The following ADK variants were observed in gnomAD, a reference collection of about 807,000 sequenced individuals.
ADK encodes the protein N6,N6-dimethyladenosine kinase.
ADK carries 24 observed loss-of-function variants against 44.7 expected under a neutral mutation model. The observed-to-expected ratio is 0.54, with a 90% CI of 0.39 to 0.76. The LOEUF is 0.76. Ranked by LOEUF, ADK falls within the 30% of genes least tolerant of loss-of-function variation. The pLI, the probability that ADK is intolerant of heterozygous loss-of-function variation, is 0.00. For synonymous variants in ADK, 128 were observed against 142.6 expected (o/e 0.90, Z 0.73); for missense variants, 321 against 425.1 (o/e 0.76, Z 2.15).
At chr10:74,297,061 A>C (rs1374018065) in intron 3 of ADK, among the ~76,000 whole-genome samples, 1 of 152,236 alleles carries the variant, frequency 6.6e-6, no homozygotes, top group Non-Finnish European at 1.5e-5. Flanking sequence ...AGCCACTAAA[A>C]GGCAATAGAC....
chr10:74,241,053 A>C (rs1845188128), intron 3 of ADK, among the ~76,000 whole-genome samples: 1 of 152,216 alleles, frequency 6.6e-6, no homozygotes, highest in Admixed American at 6.5e-5. Context: ...TGGAATTCAT[A>C]TTGTTTGACA....
chr10:74,609,087 C>T (rs936114156), intron 9 of ADK, among the ~76,000 whole-genome samples: 4 of 152,192 alleles, frequency 2.6e-5, no homozygotes, highest in African/African-American at 9.6e-5. Flanking sequence ...CGCCCCTTCC[C>T]CCACCAAGCT....
chr10:74,262,373 T>C (rs1352851481), intron 3 of ADK, among the ~76,000 whole-genome samples: 1 of 152,048 alleles, frequency 6.6e-6, no homozygotes, highest in Non-Finnish European at 1.5e-5. Context: ...GCATGTACTT[T>C]TATATAATTG....
intron 3 of ADK, among the ~76,000 whole-genome samples, chr10:74,296,855 C>T (rs1839836848): frequency 6.6e-6 from 1 of 152,050 alleles, no homozygotes; most frequent in Non-Finnish European, 1.5e-5. Flanking sequence ...ACCTCATTAA[C>T]CGCCCCTCTC....
intron 6 of ADK, among the ~76,000 whole-genome samples, chr10:74,486,770 C>T (rs186177876): frequency 1.3e-5 from 2 of 152,214 alleles, no homozygotes; most frequent in East Asian, 1.9e-4. Context: ...AATAAAATTA[C>T]CTCTCAGAAT....
intron 9 of ADK, among the ~76,000 whole-genome samples, chr10:74,647,501 C>T (rs755260661): frequency 3.3e-5 from 5 of 152,076 alleles, no homozygotes; most frequent in Admixed American, 6.5e-5. Context: ...GCCGAATGAG[C>T]GGGGAGATAT....
At chr10:74,569,002 C>T (rs1850815198) in intron 7 of ADK, among the ~76,000 whole-genome samples, 1 of 151,380 alleles carries the variant, frequency 6.6e-6, no homozygotes, top group Non-Finnish European at 1.5e-5. Context: ...GTTCAATTCC[C>T]ACCTATGAGT....
At chr10:74,523,808 T>G (rs1437832448) in intron 6 of ADK, among the ~76,000 whole-genome samples, 3 of 152,242 alleles carry the variant, frequency 2.0e-5, no homozygotes, top group Non-Finnish European at 4.4e-5. Flanking sequence ...TGCCAAGTCC[T>G]GTATGTAGTA....
intron 4 of ADK, among the ~76,000 whole-genome samples, chr10:74,366,437 A>C (rs1842501556): frequency 6.6e-6 from 1 of 152,204 alleles, no homozygotes; most frequent in Non-Finnish European, 1.5e-5. Context: ...CTTTTTAAAA[A>C]AAATATTTTT....
At chr10:74,464,333 G>A (rs1846272726) in intron 6 of ADK, among the ~76,000 whole-genome samples, 1 of 151,978 alleles carries the variant, frequency 6.6e-6, no homozygotes, top group Admixed American at 6.6e-5. Context: ...GAACATTTGA[G>A]CCCAGGAGTT....
intron 6 of ADK, among the ~76,000 whole-genome samples, chr10:74,429,294 A>G (rs982680246): frequency 1.3e-5 from 2 of 152,216 alleles, no homozygotes; most frequent in African/African-American, 4.8e-5. Context: ...GCATTATTGC[A>G]TTGACTTTAT....
intron 10 of ADK, among the ~76,000 whole-genome samples, chr10:74,707,698 G>A (rs746775191): frequency 6.7e-6 from 1 of 148,174 alleles, no homozygotes; most frequent in South Asian, 2.1e-4. Context: ...GGGAGGCAGA[G>A]ATTGCAGTGG....
intron 9 of ADK, among the ~76,000 whole-genome samples, chr10:74,604,659 T>C (rs937751964): frequency 6.6e-6 from 1 of 152,204 alleles, no homozygotes; most frequent in African/African-American, 2.4e-5. Context: ...TACTGTAGGC[T>C]TATAGTATAG....
At chr10:74,519,348 G>A (rs1307833185) in intron 6 of ADK, among the ~76,000 whole-genome samples, 1 of 151,750 alleles carries the variant, frequency 6.6e-6, no homozygotes, top group African/African-American at 2.4e-5. Flanking sequence ...TTAGTTTCAC[G>A]ATCATACTAG....
At chr10:74,407,314 G>A (rs1843979092) in intron 6 of ADK, among the ~76,000 whole-genome samples, 1 of 152,084 alleles carries the variant, frequency 6.6e-6, no homozygotes, top group Non-Finnish European at 1.5e-5. Context: ...TGTTTAATCT[G>A]CCATTAATCT....
At chr10:74,394,827 T>C (rs894216762) in intron 5 of ADK, among the ~76,000 whole-genome samples, 2 of 152,200 alleles carry the variant, frequency 1.3e-5, no homozygotes, top group African/African-American at 4.8e-5. Context: ...TTCATTCATA[T>C]TGAATAAACT....
intron 7 of ADK, among the ~76,000 whole-genome samples, chr10:74,538,742 T>C (rs1491002914): frequency 6.6e-6 from 1 of 152,236 alleles, no homozygotes; most frequent in Non-Finnish European, 1.5e-5. Context: ...TTATATATTT[T>C]ACTGCCATGG....
At chr10:74,181,944 A>T (rs1842573437) in intron 1 of ADK, among the ~76,000 whole-genome samples, 1 of 152,066 alleles carries the variant, frequency 6.6e-6, no homozygotes. Flanking sequence ...CTATTCTGGG[A>T]CTCTGGACAT....
intron 6 of ADK, among the ~76,000 whole-genome samples, chr10:74,490,042 G>C (rs534206904): frequency 2.0e-5 from 3 of 151,948 alleles, no homozygotes; most frequent in South Asian, 4.2e-4. Context: ...AAGCATTGGA[G>C]CATGTAACCA....
Sources: gnomAD v4.1 joint callset for allele counts (sites outside exome capture counted in the v4.1 genomes callset) on GRCh38, gnomAD v4.1.1 for gene constraint, MANE v1.5 for transcripts, NCBI Gene and HGNC (gene_info 2026-07-23, HGNC 2026-07-21) for gene names.